The following SI variants were observed in gnomAD, a reference collection of about 807,000 sequenced individuals.
SI encodes the protein sucrase-isomaltase.
In SI, 235 loss-of-function variants were observed where a neutral mutation model predicts 253.3. That is an observed-to-expected ratio of 0.93 (90% CI 0.83 to 1.03). The LOEUF (loss-of-function observed/expected upper bound fraction) is 1.03, where lower values mean the gene tolerates loss of function less well. Ranked by LOEUF, SI falls within the 50% of genes least tolerant of loss-of-function variation. The pLI is 0.00. For synonymous variants in SI, 819 were observed against 712.0 expected (o/e 1.15, Z -2.39); for missense variants, 2,442 against 2,211.1 (o/e 1.10, Z -2.09).
chr3:165,049,019 T>TAA (rs200218470), intron 15 of SI, 108 bp downstream of exon 15: 452,533 of 749,956 alleles, frequency 0.6, 138,821 homozygotes, highest in East Asian at 0.83. Context: ...AATATTATCT[T>TAA]TCTTTTTTCA....
At chr3:165,058,557 C>T (rs1406740368) in intron 12 of SI, among the ~76,000 whole-genome samples, 4 of 151,206 alleles carry the variant, frequency 2.6e-5, no homozygotes, top group Non-Finnish European at 5.9e-5. Flanking sequence ...AAAGCAAGGC[C>T]CAAATAAACA....
In SI at chr3:165,034,205, T is replaced by C. The variant is rs1471651127; in HGVS notation, c.2516-761A>G. ...TACTGTCTCCATGTTTGCTTACAAA[T>C]CCATTAATCAGAATTCTGGTTTTCT... On this transcript the variant is annotated intron_variant, in intron 22 of 47. Coordinates refer to ENST00000264382, the MANE Select transcript of SI (RefSeq NM_001041.4). Among the ~76,000 whole-genome samples the C allele has an allele frequency of 2.0e-5, 3 of 151,884 alleles. No homozygotes were observed. In the Admixed American group the frequency reaches 2.0e-4, roughly 10 times the overall value.
rs756645894 is a variant in SI at position 164,992,320 on chromosome 3, A to G, written c.4919T>C (p.Leu1640Pro). The G allele has an allele frequency of 1.2e-6, 2 of 1,613,218 alleles. No homozygotes were observed. Among genetic ancestry groups the G allele is most frequent in the African/African-American group, 2.7e-5 (2 of 74,898 alleles). ...ATATGTGGTAGGACTTACAGGTTCCAGTACTGGGGTAACCATAAATGCTGG... is the reference window on the plus strand; with the variant it reads ...ATATGTGGTAGGACTTACAGGTTCCGGTACTGGGGTAACCATAAATGCTGG... ...WGPAFMVTPV[L>P]EPYVQTVNAY... Residue 1640 changes from leucine to proline, a missense_variant, in exon 42 of 48, where the codon CTG becomes CCG. Transcript: ENST00000264382.
Position 165,032,505 on chromosome 3 carries a change from T to C in SI, c.2736+17A>G. 1 of 1,542,634 alleles carries C rather than the reference T, an allele frequency of 6.5e-7. No individual in the cohort carries two copies. The highest frequency in any genetic ancestry group is 8.9e-7 in the Non-Finnish European group (1 of 1,118,982). Reference sequence around the variant, plus strand: ...AGATTATATGATAGCTAAAATATTTTAAAAGATTGTAATTACCTGGTTAGA... The same window carrying C: ...AGATTATATGATAGCTAAAATATTTCAAAAGATTGTAATTACCTGGTTAGA... On this transcript the variant is annotated intron_variant, in intron 24 of 47. Transcript: ENST00000264382.
chr3:165,063,000 C>T (rs1326147704), intron 8 of SI, among the ~76,000 whole-genome samples: 1 of 151,944 alleles, frequency 6.6e-6, no homozygotes, highest in Non-Finnish European at 1.5e-5. Flanking sequence ...CACCAATTCA[C>T]CTATTAGATA....
chr3:165,052,013 T>A (rs1325694191), intron 13 of SI, among the ~76,000 whole-genome samples: 1 of 152,042 alleles, frequency 6.6e-6, no homozygotes, highest in African/African-American at 2.4e-5. Context: ...GAGGCAAAAT[T>A]TTTTTTCATA....
At chr3:164,995,851 A>G (rs1035987018) in intron 40 of SI, among the ~76,000 whole-genome samples, 2 of 151,762 alleles carry the variant, frequency 1.3e-5, no homozygotes, top group Non-Finnish European at 2.9e-5. Context: ...CCTTTTTAGA[A>G]TATATAAATC....
intron 13 of SI, among the ~76,000 whole-genome samples, chr3:165,054,252 G>A (rs1261907685): frequency 2.0e-5 from 3 of 152,112 alleles, no homozygotes; most frequent in Non-Finnish European, 4.4e-5. Context: ...CATCCTTAGT[G>A]TGTCCATTAT....
the SI span, among the ~76,000 whole-genome samples, chr3:165,084,503 A>T: frequency 4.6e-5 from 7 of 151,960 alleles, no homozygotes; most frequent in Admixed American, 6.6e-5. Flanking sequence ...GATATGTAAA[A>T]ATTTTTTTCT....
intron 36 of SI, among the ~76,000 whole-genome samples, chr3:165,007,320 T>G (rs901425353): frequency 6.6e-6 from 1 of 152,082 alleles, no homozygotes; most frequent in Non-Finnish European, 1.5e-5. Context: ...CCACATTTTC[T>G]CAGTTTAAGA....
At chr3:165,030,259 A>G (rs1479889411) in intron 25 of SI, among the ~76,000 whole-genome samples, 1 of 150,942 alleles carries the variant, frequency 6.6e-6, no homozygotes, top group African/African-American at 2.4e-5. Context: ...TTAAAATGAA[A>G]GCCAAAATAA....
intron 25 of SI, among the ~76,000 whole-genome samples, chr3:165,028,851 C>G (rs1451554678): frequency 6.7e-6 from 1 of 149,838 alleles, no homozygotes; most frequent in East Asian, 2.0e-4. Context: ...AGATAGCATT[C>G]TAGAAATTGT....
intron 13 of SI, among the ~76,000 whole-genome samples, chr3:165,054,008 G>A (rs974462097): frequency 6.6e-6 from 1 of 151,952 alleles, no homozygotes; most frequent in Non-Finnish European, 1.5e-5. Context: ...TAGGAATCCT[G>A]AAGATTATGC....
intron 38 of SI, 95 bp from the exon 39 acceptor site, chr3:164,996,867 T>C: frequency 1.5e-6 from 1 of 648,102 alleles, no homozygotes; most frequent in Non-Finnish European, 2.4e-6. Context: ...CTGTTTTTAA[T>C]ATCAACCTCC....
At chr3:165,068,683 C>A (rs753746696) in intron 5 of SI, 39 bp downstream of exon 5, 19 of 1,454,710 alleles carry the variant, frequency 1.3e-5, no homozygotes, top group Non-Finnish European at 1.8e-5. Flanking sequence ...CATCAAATGT[C>A]TTTTAGTATT....
chr3:165,077,621 C>G (rs1004291235), intron 1 of SI, among the ~76,000 whole-genome samples: 1 of 151,372 alleles, frequency 6.6e-6, no homozygotes, highest in African/African-American at 2.4e-5. Flanking sequence ...CAAAGCTGTT[C>G]GAAAAATGAA....
chr3:164,998,392 C>T (rs1475027160), intron 38 of SI, 148 bp downstream of exon 38: 1 of 768,132 alleles, frequency 1.3e-6, no homozygotes, highest in Non-Finnish European at 2.2e-6. Context: ...CTTCCTGGCC[C>T]ACTGTCTTTT....
upstream of SI, among the ~76,000 whole-genome samples, chr3:165,083,476 T>C (rs567063860): frequency 4.6e-5 from 7 of 152,124 alleles, no homozygotes; most frequent in East Asian, 1.4e-3. Flanking sequence ...TAAGATTCCA[T>C]GACAACTTTG....
intron 26 of SI, among the ~76,000 whole-genome samples, chr3:165,023,216 G>T (rs1012511713): frequency 6.6e-6 from 1 of 151,326 alleles, no homozygotes; most frequent in African/African-American, 2.4e-5. Context: ...TATTGCATTG[G>T]CCAGAAAATT....
Sources: gnomAD v4.1 joint callset for allele counts (sites outside exome capture counted in the v4.1 genomes callset) on GRCh38, gnomAD v4.1.1 for gene constraint, MANE v1.5 for transcripts, NCBI Gene and HGNC (gene_info 2026-07-23, HGNC 2026-07-21) for gene names.